Variants in AUTS2 observed in about 807,000 individuals in gnomAD.
The protein encoded by AUTS2 is activator of transcription and developmental regulator AUTS2.
AUTS2 carries 17 observed loss-of-function variants against 112.4 expected under a neutral mutation model. The ratio of observed to expected loss-of-function variants is 0.15; its 90% CI spans 0.10 to 0.23. The LOEUF is 0.23. AUTS2 is among the 10% of genes least tolerant of loss of function. The pLI is 1.00. For missense variants in AUTS2, 1,510 were observed against 1,701.6 expected, an observed-to-expected ratio of 0.89 and a Z score of 1.98; for synonymous variants, 751 against 702.7, an observed-to-expected ratio of 1.07 and a Z score of -1.09.
intron 4 of AUTS2, among the ~76,000 whole-genome samples, chr7:70,331,621 A>G (rs1447328011): frequency 2.6e-5 from 4 of 152,054 alleles, no homozygotes; most frequent in Admixed American, 6.6e-5. Flanking sequence ...CTTATCCACC[A>G]TAATCAAGTC....
intron 4 of AUTS2, chr7:70,194,745 A>G (rs916822760): frequency 6.6e-6 from 1 of 152,252 alleles, no homozygotes; most frequent in African/African-American, 2.4e-5. Context: ...GACCCAAAAG[A>G]TAATTTAGGA....
intron 5 of AUTS2, among the ~76,000 whole-genome samples, chr7:70,666,552 T>C (rs527546746): frequency 1.3e-5 from 2 of 152,336 alleles, no homozygotes; most frequent in East Asian, 3.9e-4. Flanking sequence ...AACTTTGTCA[T>C]TCCACTATCT....
At chr7:70,228,145 C>A (rs1811864185) in intron 4 of AUTS2, among the ~76,000 whole-genome samples, 1 of 151,384 alleles carries the variant, frequency 6.6e-6, no homozygotes, top group South Asian at 2.1e-4. Context: ...TGGGTAGACC[C>A]TTTTATCATT....
In AUTS2 at chr7:70,486,908, C is replaced by A. The variant is rs76527682; in HGVS notation, c.690+51127C>A. On this transcript the variant is annotated intron_variant, in intron 5 of 18. Coordinates refer to ENST00000342771, the MANE Select transcript of AUTS2 (RefSeq NM_015570.4). ...TGTTGTTTTTGTATTCCCCCCCCCC[C>A]AAAAAAAAAGAAGAAAAGGTTGCAT... Among the ~76,000 whole-genome samples, 259 of 118,798 alleles carry A rather than the reference C, an allele frequency of 2.2e-3. 3 individuals are homozygous for A. Among genetic ancestry groups the A allele is most frequent in the East Asian group, 5.8e-3 (22 of 3,796 alleles). 77.9% of individuals were successfully genotyped at this position (118,798 alleles called of 152,430 possible).
At chr7:69,788,122 G>A (rs1789458266) in intron 1 of AUTS2, among the ~76,000 whole-genome samples, 1 of 152,066 alleles carries the variant, frequency 6.6e-6, no homozygotes, top group Non-Finnish European at 1.5e-5. Flanking sequence ...CCTCTTCTCT[G>A]TACTACTTTG....
rs948534137 is a variant in AUTS2 at position 69,712,749 on chromosome 7, G to A, written c.309+112787G>A. Among the ~76,000 whole-genome samples the A allele has an allele frequency of 3.9e-5, 6 of 152,148 alleles. No individual in the cohort carries two copies. The East Asian group carries it at 9.6e-4, about 24-fold the overall frequency. On this transcript the variant is annotated intron_variant, in intron 1 of 18. Transcript: ENST00000342771. ...CTTGGGTGATTATGTAGGGTGGAAT[G>A]GCTGGGTAAATGGGCAGGTGTATGT...
intron 4 of AUTS2, among the ~76,000 whole-genome samples, chr7:70,257,515 G>A (rs1309867043): frequency 3.3e-5 from 5 of 152,000 alleles, no homozygotes; most frequent in African/African-American, 9.7e-5. Flanking sequence ...AAGAGATTTC[G>A]GCATGTTGGC....
At chr7:69,965,399 A>T (rs1173547691) in intron 2 of AUTS2, among the ~76,000 whole-genome samples, 1 of 152,184 alleles carries the variant, frequency 6.6e-6, no homozygotes, top group African/African-American at 2.4e-5. Flanking sequence ...GCTATGATTG[A>T]TGCAGATTGG....
chr7:69,618,892 C>T (rs939907089), intron 1 of AUTS2, among the ~76,000 whole-genome samples: 1 of 152,092 alleles, frequency 6.6e-6, no homozygotes, highest in African/African-American at 2.4e-5. Flanking sequence ...CATTAGAATA[C>T]CCTGGGGATA....
At chr7:69,958,262 T>C (rs1797295784) in intron 2 of AUTS2, among the ~76,000 whole-genome samples, 1 of 152,180 alleles carries the variant, frequency 6.6e-6, no homozygotes, top group Non-Finnish European at 1.5e-5. Context: ...TGGCTGCTTC[T>C]TAGCTATAAT....
intron 1 of AUTS2, among the ~76,000 whole-genome samples, chr7:69,878,568 C>A (rs149165017): frequency 6.6e-6 from 1 of 152,102 alleles, no homozygotes; most frequent in Non-Finnish European, 1.5e-5. Context: ...CCAGTGAAAA[C>A]GGATGGTTCT....
intron 5 of AUTS2, among the ~76,000 whole-genome samples, chr7:70,561,508 C>T (rs1273306897): frequency 6.6e-6 from 1 of 152,064 alleles, no homozygotes; most frequent in Non-Finnish European, 1.5e-5. Context: ...CACCTGTAGT[C>T]CCAGCTACTC....
At chr7:70,668,606 C>A (rs1251902032) in intron 5 of AUTS2, among the ~76,000 whole-genome samples, 1 of 152,222 alleles carries the variant, frequency 6.6e-6, no homozygotes, top group South Asian at 2.1e-4. Context: ...GAGATCCTGA[C>A]AGGCATGTTC....
chr7:69,832,377 C>A (rs182281169), intron 1 of AUTS2, among the ~76,000 whole-genome samples: 6 of 152,246 alleles, frequency 3.9e-5, no homozygotes, highest in South Asian at 2.1e-4. Context: ...ATTGGTAGTT[C>A]TAGAATGACG....
At chr7:69,767,270 G>A (rs1406432068) in intron 1 of AUTS2, among the ~76,000 whole-genome samples, 1 of 151,364 alleles carries the variant, frequency 6.6e-6, no homozygotes, top group Admixed American at 6.6e-5. Context: ...GCCTCGACCT[G>A]CTAGGCTCAA....
At chr7:69,857,683 T>G (rs1035684793) in intron 1 of AUTS2, among the ~76,000 whole-genome samples, 2 of 152,132 alleles carry the variant, frequency 1.3e-5, no homozygotes, top group African/African-American at 2.4e-5. Flanking sequence ...TTCGTACTTT[T>G]GGACTACTGT....
intron 5 of AUTS2, among the ~76,000 whole-genome samples, chr7:70,562,626 T>C (rs932196025): frequency 6.6e-6 from 1 of 152,202 alleles, no homozygotes; most frequent in African/African-American, 2.4e-5. Flanking sequence ...TCCTACCAGA[T>C]TGTCACCAGG....
chr7:70,322,756 GC>G (rs1430937795), intron 4 of AUTS2, among the ~76,000 whole-genome samples: 3 of 152,174 alleles, frequency 2.0e-5, no homozygotes, highest in Non-Finnish European at 4.4e-5. Context: ...AAGTTCCAGA[GC>G]TTGCCTGCAA....
rs746308870 is a variant in AUTS2 at position 70,763,071 on chromosome 7, T to C, written c.944T>C (p.Leu315Pro). 1 of 1,614,002 alleles carries C rather than the reference T, an allele frequency of 6.2e-7. No individual in the cohort carries two copies. The highest frequency in any genetic ancestry group is 1.7e-5 in the Admixed American group (1 of 60,010). ...PIPQPQTEPQLRAPSPDPDLV... is the reference protein window; with the variant it reads ...PIPQPQTEPQPRAPSPDPDLV... ...CCCCAGCCGCAGACGGAGCCCCAAC[T>C]CCGAGCTCCTTCTCCGGACCCTGAC... Residue 315 changes from leucine to proline, a missense_variant, in exon 7 of 19, where the codon CTC becomes CCC. Physicochemically the swap from Leu to Pro is moderately conservative, Grantham distance 98. Transcript: ENST00000342771.
Sources: allele counts gnomAD v4.1 joint callset (sites outside exome capture counted in the v4.1 genomes callset), GRCh38; gene constraint gnomAD v4.1.1; transcripts MANE v1.5; gene names NCBI Gene and HGNC (gene_info 2026-07-23, HGNC 2026-07-21).